The following PTPRD variants were observed in gnomAD, a reference collection of about 807,000 sequenced individuals.
PTPRD encodes receptor-type tyrosine-protein phosphatase delta.
A neutral mutation model predicts 214.5 loss-of-function variants in PTPRD; 34 were observed. The ratio of observed to expected loss-of-function variants is 0.16; its 90% CI spans 0.12 to 0.21. PTPRD has a LOEUF of 0.21. Ranked by LOEUF, PTPRD falls within the 10% of genes least tolerant of loss-of-function variation. The pLI is 1.00. For missense variants in PTPRD, 2,545 were observed against 2,398.7 expected, an observed-to-expected ratio of 1.06 and a Z score of -1.27; for synonymous variants, 1,128 against 845.7, an observed-to-expected ratio of 1.33 and a Z score of -5.79.
rs397942022 is a variant in PTPRD, at chr9:10,509,503, A to ATCT, written c.-600+102894_-600+102895insAGA. 1.8e-4 allele frequency among the ~76,000 whole-genome samples: 25 copies of ATCT among 142,560 alleles called. No homozygotes were observed. The East Asian group carries it at 4.8e-3, about 27-fold the overall frequency. 93.5% of individuals were successfully genotyped at this position (142,560 alleles called of 152,430 possible). On this transcript the variant is annotated intron_variant, in intron 2 of 45. Transcript: ENST00000381196. Reference sequence around the variant, plus strand: ...TATCTATCTATCTATCTATCTATCTAATGATCATTATAGCTGACTTACCTA... The same window carrying ATCT: ...TATCTATCTATCTATCTATCTATCTATCTATGATCATTATAGCTGACTTACCTA...
chr9:10,280,042 T>C (rs945261421), intron 3 of PTPRD, among the ~76,000 whole-genome samples: 1 of 152,212 alleles, frequency 6.6e-6, no homozygotes, highest in Non-Finnish European at 1.5e-5. Flanking sequence ...CTACATTCTG[T>C]ACTTAATATA....
chr9:9,492,619 C>T (rs1459345138), intron 8 of PTPRD, among the ~76,000 whole-genome samples: 1 of 151,862 alleles, frequency 6.6e-6, no homozygotes, highest in Non-Finnish European at 1.5e-5. Flanking sequence ...ATAATAAAAA[C>T]ATTCAACAAG....
chr9:8,325,993 T>C (rs892237845), intron 44 of PTPRD, among the ~76,000 whole-genome samples: 4 of 152,214 alleles, frequency 2.6e-5, no homozygotes, highest in Admixed American at 6.5e-5. Context: ...GTTTTCTAAA[T>C]ATACAATGTT....
chr9:8,731,224 C>T (rs563202507), intron 12 of PTPRD, among the ~76,000 whole-genome samples: 13 of 152,282 alleles, frequency 8.5e-5, no homozygotes, highest in Admixed American at 7.2e-4. Context: ...GAGTTGGACA[C>T]ATTAAATTAA....
chr9:9,620,018 G>C (rs906758523), intron 7 of PTPRD, among the ~76,000 whole-genome samples: 3 of 151,696 alleles, frequency 2.0e-5, no homozygotes, highest in African/African-American at 7.3e-5. Flanking sequence ...GGTGGAGAGA[G>C]TTTGTTTTCA....
Position 8,964,188 on chromosome 9 carries a change from C to CTTT in PTPRD, c.-104+54508_-104+54509insAAA, listed in dbSNP as rs1567272381. Among the ~76,000 whole-genome samples the CTTT allele has an allele frequency of 1.6e-4, 13 of 80,642 alleles. No individual in the cohort carries two copies. In the South Asian group the frequency reaches 2.1e-3, roughly 13 times the overall value. 52.9% of individuals were successfully genotyped at this position (80,642 alleles called of 152,430 possible). ...GGCTGTGAATCTATCTAGTTCAGGG[C>CTTT]TGTGTTTTTTTTTTTTTTTTTTTTT... On this transcript the variant is annotated intron_variant, in intron 11 of 45. Coordinates refer to ENST00000381196, the MANE Select transcript of PTPRD (RefSeq NM_002839.4).
intron 3 of PTPRD, among the ~76,000 whole-genome samples, chr9:10,184,544 G>C (rs912172912): frequency 6.6e-6 from 1 of 152,186 alleles, no homozygotes; most frequent in African/African-American, 2.4e-5. Flanking sequence ...ACAATGCATA[G>C]AATATAGTAT....
At chr9:10,529,561 C>T (rs2055498276) in intron 2 of PTPRD, among the ~76,000 whole-genome samples, 1 of 142,592 alleles carries the variant, frequency 7.0e-6, no homozygotes, top group African/African-American at 2.6e-5. Flanking sequence ...ATACACGGGG[C>T]CTGTTGGGGG....
At chr9:9,327,303 T>C (rs953409385) in intron 9 of PTPRD, among the ~76,000 whole-genome samples, 4 of 152,224 alleles carry the variant, frequency 2.6e-5, no homozygotes, top group Admixed American at 1.3e-4. Flanking sequence ...TTCCCTGTTC[T>C]AGTCTGTTTT....
At chr9:8,703,956 G>A (rs1370186680) in intron 12 of PTPRD, among the ~76,000 whole-genome samples, 3 of 152,168 alleles carry the variant, frequency 2.0e-5, no homozygotes, top group African/African-American at 7.2e-5. Context: ...CACCCCAACA[G>A]GTGCTCTTAA....
At chr9:10,281,366 C>T (rs2095101860) in intron 3 of PTPRD, among the ~76,000 whole-genome samples, 1 of 152,140 alleles carries the variant, frequency 6.6e-6, no homozygotes, top group Non-Finnish European at 1.5e-5. Context: ...AAGGCTGGCT[C>T]TCACCTTTCA....
chr9:8,661,894 A>G (rs1215514870), intron 12 of PTPRD, among the ~76,000 whole-genome samples: 1 of 152,174 alleles, frequency 6.6e-6, no homozygotes, highest in Non-Finnish European at 1.5e-5. Context: ...CTAATTAAGT[A>G]TTTGGTCTAC....
intron 5 of PTPRD, among the ~76,000 whole-genome samples, chr9:9,823,686 C>T (rs1286600760): frequency 6.6e-6 from 1 of 151,866 alleles, no homozygotes; most frequent in Non-Finnish European, 1.5e-5. Context: ...AATTTGATGT[C>T]ATGGAGGTAG....
chr9:8,769,151 A>G (rs1490032304), intron 11 of PTPRD, among the ~76,000 whole-genome samples: 1 of 152,240 alleles, frequency 6.6e-6, no homozygotes, highest in Non-Finnish European at 1.5e-5. Context: ...GTGCAGCATG[A>G]AGAAAAACTA....
chr9:8,748,650 G>A (rs1221838163), intron 11 of PTPRD, among the ~76,000 whole-genome samples: 2 of 151,932 alleles, frequency 1.3e-5, no homozygotes, highest in South Asian at 4.2e-4. Flanking sequence ...GGTGGCTTAT[G>A]CATGTAATCC....
At chr9:10,297,487 A>G (rs1435739736) in intron 3 of PTPRD, among the ~76,000 whole-genome samples, 3 of 151,788 alleles carry the variant, frequency 2.0e-5, no homozygotes, top group Non-Finnish European at 4.4e-5. Context: ...TCCAGCAAGT[A>G]TTTCTTCCAG....
At chr9:8,711,860 T>C (rs1565477175) in intron 12 of PTPRD, among the ~76,000 whole-genome samples, 1 of 152,224 alleles carries the variant, frequency 6.6e-6, no homozygotes, top group Non-Finnish European at 1.5e-5. Flanking sequence ...GTGATACGGA[T>C]ATAATGCTAC....
chr9:10,527,696 G>C (rs1173980640), intron 2 of PTPRD, among the ~76,000 whole-genome samples: 1 of 152,064 alleles, frequency 6.6e-6, no homozygotes, highest in Non-Finnish European at 1.5e-5. Context: ...ACCATAAGAA[G>C]ATTCACACTG....
rs532292263 is a variant in PTPRD, at chr9:9,046,747, T to A, written c.-142-28012A>T. On this transcript the variant is annotated intron_variant, in intron 10 of 45. Transcript: ENST00000381196. ...TATTTGGGAAAGCAACCATAGGCAA[T>A]ACATAAAGCATGAGCGTTGATATGT... Among the ~76,000 whole-genome samples, 3 of 152,282 alleles carry A rather than the reference T, an allele frequency of 2.0e-5. No homozygotes were observed. In the East Asian group the frequency reaches 5.8e-4, roughly 29 times the overall value.
Sources: gnomAD v4.1 joint callset for allele counts (sites outside exome capture counted in the v4.1 genomes callset) on GRCh38, gnomAD v4.1.1 for gene constraint, MANE v1.5 for transcripts, NCBI Gene and HGNC (gene_info 2026-07-23, HGNC 2026-07-21) for gene names.